Variants in PCDH9 observed in about 807,000 individuals in gnomAD.
PCDH9 encodes the protein protocadherin 9.
Under a neutral mutation model 70.6 loss-of-function variants are expected in PCDH9, and 24 were observed. The observed-to-expected ratio is 0.34, with a 90% CI of 0.25 to 0.48. The LOEUF (loss-of-function observed/expected upper bound fraction) is 0.48, where lower values mean the gene tolerates loss of function less well. Among genes scored for constraint, PCDH9 ranks in the 20% least tolerant of loss-of-function variants. The probability of loss-of-function intolerance (pLI) is 0.99; values close to 1 mark genes in which losing one functional copy is unlikely to be tolerated. For synonymous variants in PCDH9, 562 were observed against 558.5 expected, an observed-to-expected ratio of 1.01 and a Z score of -0.09; for missense variants, 1,281 against 1,503.6, an observed-to-expected ratio of 0.85 and a Z score of 2.45.
intron 2 of PCDH9, among the ~76,000 whole-genome samples, chr13:67,129,495 C>CT (rs2138324184): frequency 6.6e-6 from 1 of 152,036 alleles, no homozygotes; most frequent in South Asian, 2.1e-4. Context: ...ATTTTTGGGC[C>CT]TTTTTGTACC....
intron 2 of PCDH9, among the ~76,000 whole-genome samples, chr13:67,064,347 C>T (rs2085599043): frequency 6.6e-6 from 1 of 152,102 alleles, no homozygotes; most frequent in Admixed American, 6.6e-5. Context: ...AAAATTGCTG[C>T]ATTTTATAGA....
intron 2 of PCDH9, among the ~76,000 whole-genome samples, chr13:66,968,164 T>C (rs2083460813): frequency 6.6e-6 from 1 of 152,122 alleles, no homozygotes; most frequent in Admixed American, 6.6e-5. Flanking sequence ...ATGTAAAAGC[T>C]TTTTAAATAC....
At chr13:67,053,617 TTC>T (rs1341925880) in intron 2 of PCDH9, among the ~76,000 whole-genome samples, 2 of 152,214 alleles carry the variant, frequency 1.3e-5, no homozygotes, top group African/African-American at 4.8e-5. Flanking sequence ...ATTAATCTCC[TTC>T]TATATTTGTG....
At chr13:66,988,202 T>C (rs2083932360) in intron 2 of PCDH9, among the ~76,000 whole-genome samples, 1 of 152,010 alleles carries the variant, frequency 6.6e-6, no homozygotes. Context: ...TCCTAAGAAA[T>C]GAAAGTTGAC....
intron 4 of PCDH9, among the ~76,000 whole-genome samples, chr13:66,387,619 C>A (rs576238013): frequency 3.7e-4 from 56 of 151,444 alleles, no homozygotes; most frequent in African/African-American, 1.2e-3. Context: ...CCCTGTGATA[C>A]TGACTCCCTG....
chr13:67,009,940 G>A (rs1370250223), intron 2 of PCDH9, among the ~76,000 whole-genome samples: 2 of 151,926 alleles, frequency 1.3e-5, no homozygotes, highest in Non-Finnish European at 1.5e-5. Flanking sequence ...AATGTAAGGA[G>A]CATGTGACTG....
At chr13:66,383,037 A>AAACT (rs56118851) in intron 4 of PCDH9, among the ~76,000 whole-genome samples, 152,043 of 152,272 alleles carry the variant, frequency 1, 75,908 homozygotes, top group Middle Eastern at 1. Flanking sequence ...CAAAACAAAC[A>AAACT]AAAACAAACA....
intron 3 of PCDH9, among the ~76,000 whole-genome samples, chr13:66,759,434 C>A (rs1229760707): frequency 6.6e-6 from 1 of 152,060 alleles, no homozygotes; most frequent in Admixed American, 6.6e-5. Context: ...TTTGTTTATA[C>A]ATTCAGCCAC....
intron 3 of PCDH9, among the ~76,000 whole-genome samples, chr13:66,843,748 G>A (rs999775959): frequency 6.6e-6 from 1 of 152,176 alleles, no homozygotes; most frequent in African/African-American, 2.4e-5. Context: ...TACTTCTGGG[G>A]CCCCATAGCA....
chr13:66,679,495 A>T (rs2078289146), intron 3 of PCDH9, among the ~76,000 whole-genome samples: 1 of 151,914 alleles, frequency 6.6e-6, no homozygotes, highest in Admixed American at 6.6e-5. Flanking sequence ...TAAAGATTAC[A>T]CTATCTTTTC....
chr13:67,039,998 G>GA (rs199635636), intron 2 of PCDH9, among the ~76,000 whole-genome samples: 1,590 of 142,878 alleles, frequency 0.011, 12 homozygotes, highest in Non-Finnish European at 0.017. Context: ...GTGGAAAAAA[G>GA]AAAAAAAAAA....
chr13:66,555,253 C>A (rs1961680110), intron 4 of PCDH9, among the ~76,000 whole-genome samples: 1 of 152,078 alleles, frequency 6.6e-6, no homozygotes. Flanking sequence ...ACAAAAGAGT[C>A]ATTTCACAGA....
At chr13:67,108,272 T>C (rs939854350) in intron 2 of PCDH9, among the ~76,000 whole-genome samples, 14 of 152,130 alleles carry the variant, frequency 9.2e-5, no homozygotes, top group Admixed American at 5.9e-4. Flanking sequence ...GGCTGGCAAA[T>C]TGATATGCCA....
chr13:66,534,881 T>C (rs1809663727), intron 4 of PCDH9, among the ~76,000 whole-genome samples: 1 of 152,116 alleles, frequency 6.6e-6, no homozygotes, highest in Non-Finnish European at 1.5e-5. Flanking sequence ...AAATAGCTCT[T>C]GTCAACTGTG....
chr13:66,910,419 AC>A (rs2082441179), intron 2 of PCDH9, among the ~76,000 whole-genome samples: 1 of 152,216 alleles, frequency 6.6e-6, no homozygotes, highest in Non-Finnish European at 1.5e-5. Flanking sequence ...CAAGTGGGTC[AC>A]TTGTAAAGTG....
At chr13:66,774,179 C>T (rs1344230302) in intron 3 of PCDH9, among the ~76,000 whole-genome samples, 1 of 152,154 alleles carries the variant, frequency 6.6e-6, no homozygotes, top group East Asian at 1.9e-4. Flanking sequence ...TACAACCCTT[C>T]CTGAGTCTCT....
intron 3 of PCDH9, among the ~76,000 whole-genome samples, chr13:66,798,454 T>C (rs2080278684): frequency 6.6e-6 from 1 of 152,124 alleles, no homozygotes; most frequent in Non-Finnish European, 1.5e-5. Context: ...AAAAGACTAA[T>C]GTTCCAGAGA....
At chr13:66,392,225 A>C (rs1957030340) in intron 4 of PCDH9, among the ~76,000 whole-genome samples, 1 of 151,928 alleles carries the variant, frequency 6.6e-6, no homozygotes, top group Admixed American at 6.6e-5. Flanking sequence ...AGGTAAGCAA[A>C]ATAAATTTAG....
chr13:67,038,729 T>G (rs1216831576), intron 2 of PCDH9, among the ~76,000 whole-genome samples: 3 of 152,220 alleles, frequency 2.0e-5, no homozygotes, highest in East Asian at 3.9e-4. Context: ...CCCTAGTTTC[T>G]GGCACAGAGT....
Sources: gnomAD v4.1 joint callset for allele counts (sites outside exome capture counted in the v4.1 genomes callset) on GRCh38, gnomAD v4.1.1 for gene constraint, MANE v1.5 for transcripts, NCBI Gene and HGNC (gene_info 2026-07-23, HGNC 2026-07-21) for gene names.